The following RERE variants were observed in gnomAD, a reference collection of about 807,000 sequenced individuals.
RERE encodes arginine-glutamic acid dipeptide repeats protein.
A neutral mutation model predicts 146.1 loss-of-function variants in RERE; 40 were observed. The ratio of observed to expected loss-of-function variants is 0.27; its 90% CI spans 0.21 to 0.36. The LOEUF is 0.36. Among genes scored for constraint, RERE ranks in the 10% least tolerant of loss-of-function variants. The pLI, the probability that RERE is intolerant of heterozygous loss-of-function variation, is 1.00. For missense variants in RERE, 1,933 were observed against 2,138.7 expected (o/e 0.90, Z 1.90); for synonymous variants, 1,003 against 866.0 (o/e 1.16, Z -2.78).
chr1:8,575,555 A>ATT (rs1557693784), intron 4 of RERE, among the ~76,000 whole-genome samples: 1 of 62,742 alleles, frequency 1.6e-5, no homozygotes, highest in African/African-American at 7.1e-5. Context: ...ATATATATAT[A>ATT]TATATATTTT....
intron 1 of RERE, among the ~76,000 whole-genome samples, chr1:8,810,480 C>T (rs987346081): frequency 1.1e-4 from 17 of 152,128 alleles, no homozygotes; most frequent in African/African-American, 3.9e-4. Flanking sequence ...ATGGTGCATG[C>T]CTATGGTCCC....
At chr1:8,763,819 T>C (rs1020488939) in intron 1 of RERE, among the ~76,000 whole-genome samples, 1 of 151,526 alleles carries the variant, frequency 6.6e-6, no homozygotes, top group Non-Finnish European at 1.5e-5. Flanking sequence ...TGCGCACCTG[T>C]AGTCCCAACT....
chr1:8,771,327 G>T (rs1640944594), intron 1 of RERE, among the ~76,000 whole-genome samples: 1 of 151,268 alleles, frequency 6.6e-6, no homozygotes, highest in African/African-American at 2.4e-5. Flanking sequence ...TTCGAGTCCA[G>T]CCTGGCCAAC....
At chr1:8,807,572 C>G (rs940063610) in intron 1 of RERE, among the ~76,000 whole-genome samples, 1 of 152,138 alleles carries the variant, frequency 6.6e-6, no homozygotes, top group African/African-American at 2.4e-5. Context: ...TTGAATCTCT[C>G]TAAGAGGATG....
At chr1:8,504,126 A>G (rs1448839533) in intron 8 of RERE, among the ~76,000 whole-genome samples, 5 of 152,234 alleles carry the variant, frequency 3.3e-5, no homozygotes, top group African/African-American at 1.2e-4. Context: ...CTGTCTACTG[A>G]AAAGGCCTCG....
At chr1:8,544,886 C>A (rs1176924436) in intron 6 of RERE, among the ~76,000 whole-genome samples, 1 of 152,152 alleles carries the variant, frequency 6.6e-6, no homozygotes, top group Non-Finnish European at 1.5e-5. Context: ...GTTTCCATAA[C>A]CAGGTAAGGC....
chr1:8,364,865 GT>G lies in RERE; in HGVS notation c.1448-28del. On this transcript the variant is annotated intron_variant, in intron 13 of 22. Coordinates refer to ENST00000400908, the MANE Select transcript of RERE (RefSeq NM_001042681.2). This position sits in a 1 kb window ranked among gnomAD's most constrained non-coding sequence, Gnocchi z 5.1. Reference sequence around the variant, plus strand: ...TGGGCGTGGCAGGCACATAGTGGGGGTGGGGGAGACACCATCATGCTCAGCC... The same window carrying G: ...TGGGCGTGGCAGGCACATAGTGGGGGGGGGGAGACACCATCATGCTCAGCC... The G allele has an allele frequency of 1.3e-6, 2 of 1,536,040 alleles. No homozygotes were observed. The highest frequency in any genetic ancestry group is 1.1e-5 in the South Asian group (1 of 89,460).
chr1:8,383,451 T>C (rs889440892), intron 12 of RERE, among the ~76,000 whole-genome samples: 2 of 152,090 alleles, frequency 1.3e-5, no homozygotes, highest in African/African-American at 2.4e-5. Flanking sequence ...AGAATTAGCT[T>C]TGATGCACAG....
intron 11 of RERE, among the ~76,000 whole-genome samples, chr1:8,459,858 C>T (rs1334324193): frequency 1.3e-5 from 2 of 152,140 alleles, no homozygotes; most frequent in Non-Finnish European, 1.5e-5. Context: ...CAAGACTCTC[C>T]TATCATCATT....
intron 7 of RERE, chr1:8,519,725 T>C (rs1645466657): frequency 6.6e-6 from 1 of 152,186 alleles, no homozygotes; most frequent in Admixed American, 6.5e-5. Context: ...CTTCCACCCA[T>C]ATCACAGTCA....
chr1:8,520,978 G>C (rs1645489775), intron 7 of RERE, among the ~76,000 whole-genome samples: 3 of 151,796 alleles, frequency 2.0e-5, no homozygotes, highest in African/African-American at 7.3e-5. Context: ...TCCCCTCAGG[G>C]AAATGTTATA....
At chr1:8,741,047 G>A (rs1377632449) in intron 1 of RERE, among the ~76,000 whole-genome samples, 1 of 152,096 alleles carries the variant, frequency 6.6e-6, no homozygotes, top group Non-Finnish European at 1.5e-5. Context: ...CAGCATATTA[G>A]GTCTGCTTAC....
At chr1:8,586,894 T>A (rs996488829) in intron 4 of RERE, among the ~76,000 whole-genome samples, 2 of 152,094 alleles carry the variant, frequency 1.3e-5, no homozygotes, top group African/African-American at 4.8e-5. Flanking sequence ...TAATAGATAA[T>A]CCCTTCCCAG....
intron 1 of RERE, among the ~76,000 whole-genome samples, chr1:8,659,945 G>A (rs1039236377): frequency 6.6e-6 from 1 of 151,996 alleles, no homozygotes; most frequent in Non-Finnish European, 1.5e-5. Flanking sequence ...AAACAATAAA[G>A]ATGTCTATAA....
At chr1:8,362,071 T>C (rs955944998) in intron 16 of RERE, among the ~76,000 whole-genome samples, 195 bp from the exon 17 acceptor site, 2 of 152,254 alleles carry the variant, frequency 1.3e-5, no homozygotes, top group African/African-American at 4.8e-5. Flanking sequence ...GCCAGCCCTC[T>C]GCACCTGTGG....
In RERE at chr1:8,672,068, G is replaced by T. The variant is rs1638731214; in HGVS notation, c.-144-15627C>A. On this transcript the variant is annotated intron_variant, in intron 1 of 22. Transcript: ENST00000400908. ...GCAGGAGGATCATCACTACAGGCCA[G>T]GAGTTTGAGACCAGCGTGGGCAACA... 2.0e-5 allele frequency among the ~76,000 whole-genome samples: 3 copies of T among 152,082 alleles called. No individual in the cohort carries two copies. The South Asian group carries it at 6.2e-4, about 31-fold the overall frequency.
intron 7 of RERE, among the ~76,000 whole-genome samples, chr1:8,539,244 T>A (rs1222158823): frequency 6.6e-6 from 1 of 152,118 alleles, no homozygotes; most frequent in African/African-American, 2.4e-5. Flanking sequence ...CAGGAAGACA[T>A]GAGAAGGTAG....
intron 7 of RERE, among the ~76,000 whole-genome samples, chr1:8,534,402 A>T (rs1645697939): frequency 6.6e-6 from 1 of 152,230 alleles, no homozygotes; most frequent in Admixed American, 6.5e-5. Context: ...AACTTGGAGA[A>T]TTTCACATGA....
At chr1:8,595,792 A>G (rs1485395902) in intron 4 of RERE, among the ~76,000 whole-genome samples, 3 of 152,232 alleles carry the variant, frequency 2.0e-5, no homozygotes, top group African/African-American at 7.2e-5. Flanking sequence ...GTAGAGATAT[A>G]GATATATTTT....
Sources: gnomAD v4.1 joint callset for allele counts (sites outside exome capture counted in the v4.1 genomes callset) on GRCh38, gnomAD v4.1.1 for gene constraint, Gnocchi (gnomAD v3.1) non-coding constraint, MANE v1.5 for transcripts, NCBI Gene and HGNC (gene_info 2026-07-23, HGNC 2026-07-21) for gene names.